The following L3MBTL4 variants were observed in gnomAD, a reference collection of about 807,000 sequenced individuals.
L3MBTL4 encodes the protein L3MBTL histone methyl-lysine binding protein 4, also known as lethal(3)malignant brain tumor-like protein 4.
In L3MBTL4, 70 loss-of-function variants were observed where a neutral mutation model predicts 84.5. The ratio of observed to expected loss-of-function variants is 0.83; its 90% confidence interval spans 0.68 to 1.01. The LOEUF is 1.01. Among genes scored for constraint, L3MBTL4 ranks in the 50% least tolerant of loss-of-function variants. L3MBTL4 has a pLI of 0.00. For synonymous variants in L3MBTL4, 274 were observed against 259.8 expected, an observed-to-expected ratio of 1.05 and a Z score of -0.52; for missense variants, 715 against 754.8, an observed-to-expected ratio of 0.95 and a Z score of 0.62.
intron 18 of L3MBTL4, among the ~76,000 whole-genome samples, chr18:5,959,596 G>A (rs1427077091): frequency 6.6e-6 from 1 of 152,162 alleles, no homozygotes; most frequent in African/African-American, 2.4e-5. Flanking sequence ...CAAATGCAGG[G>A]CAGGGATAGA....
chr18:6,380,312 C>G (rs975367470), intron 1 of L3MBTL4, among the ~76,000 whole-genome samples: 3 of 152,134 alleles, frequency 2.0e-5, no homozygotes, highest in African/African-American at 7.2e-5. Context: ...GTGTCTCTAT[C>G]TCCTTCAGTT....
chr18:5,995,277 A>T (rs16949201), intron 16 of L3MBTL4, among the ~76,000 whole-genome samples: 6,579 of 152,322 alleles, frequency 0.043, 161 homozygotes, highest in Middle Eastern at 0.085. Context: ...AAATCTGAAC[A>T]TTCTCGCCAT....
At chr18:6,229,137 T>C (rs1203609153) in intron 10 of L3MBTL4, among the ~76,000 whole-genome samples, 2 of 152,168 alleles carry the variant, frequency 1.3e-5, no homozygotes, top group African/African-American at 2.4e-5. Flanking sequence ...GTGTGAATAG[T>C]AGAAATTAAG....
At chr18:6,398,806 T>G (rs1258780849) in intron 1 of L3MBTL4, among the ~76,000 whole-genome samples, 1 of 151,848 alleles carries the variant, frequency 6.6e-6, no homozygotes, top group Non-Finnish European at 1.5e-5. Context: ...CAGCAGTCCA[T>G]TGTAGAGGCC....
At chr18:6,330,026 T>C (rs2051944414) in intron 1 of L3MBTL4, among the ~76,000 whole-genome samples, 1 of 152,252 alleles carries the variant, frequency 6.6e-6, no homozygotes, top group South Asian at 2.1e-4. Context: ...TATAGTATTG[T>C]AGTAGAGTGT....
chr18:5,993,700 T>C (rs773029072), intron 16 of L3MBTL4, among the ~76,000 whole-genome samples: 2 of 152,202 alleles, frequency 1.3e-5, no homozygotes, highest in African/African-American at 2.4e-5. Flanking sequence ...TAATAATCAT[T>C]ATACAATTAT....
intron 5 of L3MBTL4, among the ~76,000 whole-genome samples, chr18:6,248,500 A>G (rs1346489798): frequency 2.0e-5 from 3 of 152,246 alleles, no homozygotes; most frequent in African/African-American, 7.2e-5. Flanking sequence ...AGTTAAAATT[A>G]GCAAAAGTTA....
At chr18:6,030,117 G>A in intron 16 of L3MBTL4, 1 of 912,160 alleles carries the variant, frequency 1.1e-6, no homozygotes, top group African/African-American at 1.8e-5. Flanking sequence ...TATGTGGTAT[G>A]CCATCACTTG....
intron 16 of L3MBTL4, among the ~76,000 whole-genome samples, chr18:6,028,663 C>A (rs2055630358): frequency 6.6e-6 from 1 of 152,144 alleles, no homozygotes; most frequent in African/African-American, 2.4e-5. Flanking sequence ...TCTTCCTATC[C>A]ATAAGCATGG....
Position 6,020,208 on chromosome 18 carries a change from G to A in L3MBTL4, c.1445-50646C>T, listed in dbSNP as rs564750597. ...TTCATATTGTAGGGAAGGATGGAGGGAGGGGGAGCTAGGAATGATTCAGAC... is the reference window on the plus strand; with the variant it reads ...TTCATATTGTAGGGAAGGATGGAGGAAGGGGGAGCTAGGAATGATTCAGAC... On this transcript the variant is annotated intron_variant, in intron 16 of 18. Coordinates refer to ENST00000317931, the MANE Select transcript of L3MBTL4 (RefSeq NM_001330559.2). Among the ~76,000 whole-genome samples, 5 of 152,272 alleles carry A rather than the reference G, an allele frequency of 3.3e-5. No individual in the cohort carries two copies. In the South Asian group the frequency reaches 1.0e-3, roughly 32 times the overall value.
chr18:6,212,228 A>G (rs1341214661), intron 12 of L3MBTL4, among the ~76,000 whole-genome samples: 2 of 152,226 alleles, frequency 1.3e-5, no homozygotes, highest in East Asian at 1.9e-4. Flanking sequence ...TTGATAATCT[A>G]TTGCCAAGCT....
At chr18:6,272,221 G>A (rs2048904537) in intron 4 of L3MBTL4, among the ~76,000 whole-genome samples, 2 of 152,184 alleles carry the variant, frequency 1.3e-5, no homozygotes, top group South Asian at 2.1e-4. Flanking sequence ...CACAGGTAGG[G>A]GGAGGACCCT....
intron 5 of L3MBTL4, among the ~76,000 whole-genome samples, chr18:6,250,943 AAGGGTGAAATATG>A (rs2047897237): frequency 1.3e-5 from 2 of 152,228 alleles, no homozygotes; most frequent in African/African-American, 4.8e-5. Flanking sequence ...TTTAAATGTA[AAGGGTGAAATATG>A]AGGAAGTCTT....
Position 6,093,225 on chromosome 18 carries a change from C to A in L3MBTL4, c.1373+130G>T, listed in dbSNP as rs566195584. 2.1e-5 allele frequency: 15 copies of A among 717,448 alleles called. 1 individual carries two copies. Among genetic ancestry groups the A allele is most frequent in the African/African-American group, 1.5e-4 (8 of 54,556 alleles). The allele number at this position is 717,448 out of a possible 1,614,324, so 44.4% of individuals were successfully genotyped here. Reference sequence around the variant, plus strand: ...AGATGAATTTTATCAGCCCAGCGAACCTAATAATATCCAGAAATAAAAATA... The same window carrying A: ...AGATGAATTTTATCAGCCCAGCGAAACTAATAATATCCAGAAATAAAAATA... On this transcript the variant is annotated intron_variant, in intron 15 of 18. Coordinates refer to ENST00000317931, the MANE Select transcript of L3MBTL4 (RefSeq NM_001330559.2).
intron 12 of L3MBTL4, among the ~76,000 whole-genome samples, chr18:6,180,504 C>T (rs2145338725): frequency 6.6e-6 from 1 of 152,298 alleles, no homozygotes; most frequent in African/African-American, 2.4e-5. Flanking sequence ...CTCCCTCAAA[C>T]TCATCTGCTT....
At chr18:5,987,638 T>C (rs1308020638) in intron 16 of L3MBTL4, among the ~76,000 whole-genome samples, 3 of 152,248 alleles carry the variant, frequency 2.0e-5, no homozygotes, top group African/African-American at 7.2e-5. Flanking sequence ...TATATCTTTC[T>C]CAATGTCTCC....
At chr18:6,245,902 T>A (rs1483060752) in intron 5 of L3MBTL4, among the ~76,000 whole-genome samples, 2 of 152,210 alleles carry the variant, frequency 1.3e-5, no homozygotes, top group Non-Finnish European at 2.9e-5. Flanking sequence ...TAGTATTTTT[T>A]AAGAACTGTT....
At chr18:6,245,002 C>T (rs903839462) in intron 5 of L3MBTL4, among the ~76,000 whole-genome samples, 3 of 152,096 alleles carry the variant, frequency 2.0e-5, no homozygotes, top group Admixed American at 1.3e-4. Context: ...CTCCACCTCC[C>T]GGGTTCAAGT....
intron 1 of L3MBTL4, among the ~76,000 whole-genome samples, chr18:6,400,089 A>G (rs1330435555): frequency 6.6e-6 from 1 of 152,240 alleles, no homozygotes; most frequent in African/African-American, 2.4e-5. Context: ...TACATCTAAT[A>G]TAGTGCTATA....
Sources: gnomAD v4.1 joint callset for allele counts (sites outside exome capture counted in the v4.1 genomes callset) on GRCh38, gnomAD v4.1.1 for gene constraint, MANE v1.5 for transcripts, NCBI Gene and HGNC (gene_info 2026-07-23, HGNC 2026-07-21) for gene names.